The following VPS50 variants were observed in gnomAD, a reference collection of about 807,000 sequenced individuals.
VPS50 encodes the protein syndetin.
A neutral mutation model predicts 139.7 loss-of-function variants in VPS50; 70 were observed. The ratio of observed to expected loss-of-function variants is 0.50; its 90% CI spans 0.41 to 0.61. The LOEUF (loss-of-function observed/expected upper bound fraction) is 0.61. Ranked by LOEUF, VPS50 falls within the 20% of genes least tolerant of loss-of-function variation. The pLI is 0.00. For synonymous variants in VPS50, 365 were observed against 376.7 expected (o/e 0.97, Z 0.36); for missense variants, 921 against 1,133.7 (o/e 0.81, Z 2.69).
At chr7:93,327,444 C>T (rs58939273) in intron 21 of VPS50, among the ~76,000 whole-genome samples, 7,998 of 152,210 alleles carry the variant, frequency 0.053, 713 homozygotes, top group African/African-American at 0.18. Context: ...TCATTATATA[C>T]TGACACAGAA....
intron 20 of VPS50, among the ~76,000 whole-genome samples, chr7:93,311,558 G>C (rs558060184): frequency 1.3e-5 from 2 of 152,150 alleles, no homozygotes; most frequent in East Asian, 3.9e-4. Flanking sequence ...TCTCTAGGTA[G>C]GTTAGAGGTA....
intron 21 of VPS50, among the ~76,000 whole-genome samples, chr7:93,327,115 T>C (rs1223993293): frequency 5.3e-5 from 8 of 152,200 alleles, no homozygotes; most frequent in Non-Finnish European, 8.8e-5. Flanking sequence ...ACTTTGTCTT[T>C]TGGGCCATGC....
intron 13 of VPS50, 88 bp from the exon 14 acceptor site, chr7:93,294,457 C>G: frequency 8.8e-7 from 1 of 1,137,912 alleles, no homozygotes; most frequent in East Asian, 2.6e-5. Context: ...CATAGACTTA[C>G]AATGTGTGAG....
chr7:93,277,530 T>C (rs960161864), intron 12 of VPS50, among the ~76,000 whole-genome samples: 2 of 152,230 alleles, frequency 1.3e-5, no homozygotes, highest in Admixed American at 1.3e-4. Context: ...AACCTGCTGG[T>C]TATATGTCTG....
Position 93,252,668 on chromosome 7 carries a change from C to G in VPS50, c.118C>G (p.Leu40Val). ...TTTCTTAAAGGAAGAATTCAGGGAA[C>G]TTCGAGAACAGCCAAGTGACCCTCA... ...RVPGKEEFRE[L>V]REQPSDPQAE... Residue 40 changes from leucine to valine, a missense_variant, in exon 3 of 28, where the codon CTT becomes GTT. By Grantham distance (32) the Leu-to-Val change is conservative. This residue lies in a region of VPS50 where 744 missense variants were observed against 930.6 expected (regional missense o/e 0.80). Transcript: ENST00000305866. The G allele has an allele frequency of 6.3e-7, 1 of 1,599,540 alleles. No homozygotes were observed. The highest frequency in any genetic ancestry group is 2.2e-5 in the East Asian group (1 of 44,614).
intron 5 of VPS50, among the ~76,000 whole-genome samples, 169 bp from the exon 6 acceptor site, chr7:93,257,225 T>C (rs968428534): frequency 6.6e-6 from 1 of 152,078 alleles, no homozygotes; most frequent in Non-Finnish European, 1.5e-5. Flanking sequence ...TTTTAAATAA[T>C]TTTGTGAAAA....
intron 5 of VPS50, among the ~76,000 whole-genome samples, chr7:93,257,020 T>C (rs1292417185): frequency 6.6e-6 from 1 of 152,116 alleles, no homozygotes; most frequent in East Asian, 1.9e-4. Context: ...TGTCAAAGCA[T>C]CTTAGTAAAC....
At chr7:93,290,260 T>C (rs1047544922) in intron 12 of VPS50, among the ~76,000 whole-genome samples, 2 of 151,966 alleles carry the variant, frequency 1.3e-5, no homozygotes, top group African/African-American at 2.4e-5. Context: ...TTCTTTTGCC[T>C]CTGTTTTCTG....
rs574203648 is a variant in VPS50, at chr7:93,245,490, A to G, written c.102+5556A>G. Among the ~76,000 whole-genome samples the G allele has an allele frequency of 3.8e-4, 57 of 150,678 alleles. 1 individual carries two copies. Among genetic ancestry groups the G allele is most frequent in the Middle Eastern group, 3.4e-3 (1 of 294 alleles). ...AAAGAAAAACAAAATTAAGATGTAC[A>G]CACTCGATTTTTCTCTGTATATCTT... On this transcript the variant is annotated intron_variant, in intron 2 of 27. Transcript: ENST00000305866.
intron 26 of VPS50, among the ~76,000 whole-genome samples, chr7:93,354,015 A>C (rs1798628748): frequency 6.6e-6 from 1 of 152,316 alleles, no homozygotes; most frequent in East Asian, 1.9e-4. Flanking sequence ...CTGAAAGTTA[A>C]ACTAACATTA....
chr7:93,266,609 G>A (rs1426279659), intron 9 of VPS50, among the ~76,000 whole-genome samples: 4 of 152,126 alleles, frequency 2.6e-5, no homozygotes. Flanking sequence ...TTGCAGAATT[G>A]TTTGATTCGT....
chr7:93,256,705 A>G (rs983741001), intron 5 of VPS50, 143 bp downstream of exon 5: 1 of 497,314 alleles, frequency 2.0e-6, no homozygotes, highest in African/African-American at 2.0e-5. Flanking sequence ...GTGTATATGT[A>G]TGTATGTATA....
Position 93,315,531 on chromosome 7 carries a change from T to A in VPS50, c.1855+4259T>A, listed in dbSNP as rs117401517. Among the ~76,000 whole-genome samples the A allele has an allele frequency of 2.5e-4, 38 of 152,338 alleles. No individual in the cohort carries two copies. The East Asian group carries it at 7.3e-3, about 29-fold the overall frequency. On this transcript the variant is annotated intron_variant, in intron 20 of 27. Coordinates refer to ENST00000305866, the MANE Select transcript of VPS50 (RefSeq NM_017667.4). ...AAAAGAGTTCTGTTAAATTACTCATTCATTAGCAGTATTTGAGGGTAGCTC... is the reference window on the plus strand; with the variant it reads ...AAAAGAGTTCTGTTAAATTACTCATACATTAGCAGTATTTGAGGGTAGCTC...
intron 2 of VPS50, 106 bp downstream of exon 2, chr7:93,240,040 GGTT>G: frequency 1.4e-6 from 1 of 715,738 alleles, no homozygotes; most frequent in South Asian, 1.6e-5. Context: ...ACAGGCAGAT[GGTT>G]GTTAAGATAA....
intron 1 of VPS50, among the ~76,000 whole-genome samples, chr7:93,239,417 A>T (rs1794914227): frequency 6.6e-6 from 1 of 152,204 alleles, no homozygotes; most frequent in Admixed American, 6.5e-5. Context: ...GGAAATAATC[A>T]AGTAAAATGA....
chr7:93,249,197 A>G lies in VPS50; in HGVS notation c.103-3456A>G, dbSNP rs1006337884. ...CAGATTGTACTCCTTTTACAGATTC[A>G]TCATGTTTTTGAAATGTACACTTGT... On this transcript the variant is annotated intron_variant, in intron 2 of 27. Transcript: ENST00000305866. Among the ~76,000 whole-genome samples, 7 of 152,240 alleles carry G rather than the reference A, an allele frequency of 4.6e-5. No individual in the cohort carries two copies. The East Asian group carries it at 1.3e-3, about 29-fold the overall frequency.
In VPS50 at chr7:93,348,655, A is replaced by T. The variant is rs535534579; in HGVS notation, c.2208-56A>T. The T allele has an allele frequency of 3.6e-6, 4 of 1,102,748 alleles. No individual in the cohort carries two copies. In the East Asian group the frequency reaches 9.5e-5, roughly 26 times the overall value. The allele number at this position is 1,102,748 out of a possible 1,614,324, so 68.3% of individuals were successfully genotyped here. On this transcript the variant is annotated intron_variant, in intron 23 of 27. Transcript: ENST00000305866. ...TAAAAAATACTTATACGAAAGCATG[A>T]CAGGCTCTAAATCCTACACAATTTG...
chr7:93,252,336 T>A (rs1261205933), intron 2 of VPS50, among the ~76,000 whole-genome samples: 1 of 152,164 alleles, frequency 6.6e-6, no homozygotes, highest in Non-Finnish European at 1.5e-5. Flanking sequence ...ATCTGTGATA[T>A]GTATGTATGA....
chr7:93,294,067 A>T (rs1796730018), intron 13 of VPS50, among the ~76,000 whole-genome samples: 1 of 152,246 alleles, frequency 6.6e-6, no homozygotes, highest in African/African-American at 2.4e-5. Flanking sequence ...ACATTGTTAA[A>T]TTATTTATCT....
Sources: allele counts gnomAD v4.1 joint callset (sites outside exome capture counted in the v4.1 genomes callset), GRCh38; gene constraint gnomAD v4.1.1; regional missense constraint gnomAD v4.1.1; transcripts MANE v1.5; gene names NCBI Gene and HGNC (gene_info 2026-07-23, HGNC 2026-07-21).